AHI1: variants seen among roughly 807,000 people sequenced by gnomAD.
The protein encoded by AHI1 is Abelson helper integration site 1.
Under a neutral mutation model 149.3 loss-of-function variants are expected in AHI1, and 123 were observed. That is an observed-to-expected ratio of 0.82 (90% CI 0.71 to 0.96). The LOEUF is 0.96. AHI1 is among the 40% of genes least tolerant of loss of function. The pLI, the probability that AHI1 is intolerant of heterozygous loss-of-function variation, is 0.00. For synonymous variants in AHI1, 475 were observed against 459.8 expected (o/e 1.03, Z -0.42); for missense variants, 1,439 against 1,422.7 (o/e 1.01, Z -0.18).
chr6:135,492,404 C>T (rs1435343529), intron 3 of AHI1, 113 bp from the exon 4 acceptor site: 19 of 1,332,172 alleles, frequency 1.4e-5, no homozygotes, highest in Non-Finnish European at 1.8e-5. Flanking sequence ...TAAGTTTATA[C>T]CAATAAAGCT....
chr6:135,336,134 A>T (rs914401643), intron 24 of AHI1, among the ~76,000 whole-genome samples: 6 of 151,690 alleles, frequency 4.0e-5, no homozygotes, highest in African/African-American at 1.5e-4. Context: ...AAAAAAAAAA[A>T]AATTCCATAT....
At chr6:135,450,711 G>A (rs762450151) in intron 11 of AHI1, among the ~76,000 whole-genome samples, 5 of 152,074 alleles carry the variant, frequency 3.3e-5, no homozygotes, top group Admixed American at 6.6e-5. Context: ...ACATTAATAC[G>A]TTGCTTAGCC....
At chr6:135,440,983 A>C (rs1161855738) in intron 14 of AHI1, among the ~76,000 whole-genome samples, 1 of 152,022 alleles carries the variant, frequency 6.6e-6, no homozygotes, top group Non-Finnish European at 1.5e-5. Context: ...ATCCACATAG[A>C]AACTGAGGAA....
In AHI1 at chr6:135,365,518, C is replaced by A. The variant is rs140689345; in HGVS notation, c.3110-7331G>T. 4.1e-3 allele frequency among the ~76,000 whole-genome samples: 625 copies of A among 152,198 alleles called. 1 individual carries two copies. Among genetic ancestry groups the A allele is most frequent in the African/African-American group, 0.014 (602 of 41,524 alleles). On this transcript the variant is annotated intron_variant, in intron 23 of 28. Transcript: ENST00000265602. ...GTTTTTTACTTTTCCTTGTAGAGAT[C>A]TTTCACCTCCTTGGTTAGGTACATT...
At chr6:135,368,625 CAGG>C (rs1774552356) in intron 23 of AHI1, among the ~76,000 whole-genome samples, 1 of 152,070 alleles carries the variant, frequency 6.6e-6, no homozygotes, top group Non-Finnish European at 1.5e-5. Context: ...GTTACTTTCC[CAGG>C]AGGATTATGG....
At chr6:135,370,393 A>G (rs1774865640) in intron 23 of AHI1, among the ~76,000 whole-genome samples, 1 of 152,214 alleles carries the variant, frequency 6.6e-6, no homozygotes, top group Admixed American at 6.5e-5. Flanking sequence ...TTAAGCTTCA[A>G]AAGTCCTCTT....
intron 23 of AHI1, among the ~76,000 whole-genome samples, chr6:135,380,627 C>T (rs1372198275): frequency 6.6e-6 from 1 of 151,864 alleles, no homozygotes; most frequent in Non-Finnish European, 1.5e-5. Flanking sequence ...ATAAAAGTGC[C>T]TGGGACACTG....
In AHI1 at chr6:135,369,544, C is replaced by T. The variant is rs188262537; in HGVS notation, c.3110-11357G>A. On this transcript the variant is annotated intron_variant, in intron 23 of 28. Transcript: ENST00000265602. The stretch of plus-strand genomic sequence containing the variant: ...GTTGTCTTTAATTAGAGGAAAACTA[C>T]TAGCCCATTATTTCTTCAAATATTT... Among the ~76,000 whole-genome samples the T allele has an allele frequency of 3.1e-3, 472 of 152,208 alleles. 3 individuals are homozygous for T. Among genetic ancestry groups the T allele is most frequent in the African/African-American group, 0.01 (430 of 41,478 alleles).
intron 18 of AHI1, among the ~76,000 whole-genome samples, chr6:135,429,158 T>C (rs1238439528): frequency 1.3e-5 from 2 of 151,742 alleles, no homozygotes; most frequent in Non-Finnish European, 3.0e-5. Flanking sequence ...TATATTCTTC[T>C]GATGAATTTT....
intron 8 of AHI1, among the ~76,000 whole-genome samples, chr6:135,461,735 T>C (rs997884376): frequency 6.6e-6 from 1 of 151,822 alleles, no homozygotes; most frequent in Non-Finnish European, 1.5e-5. Context: ...ATCTAAATAA[T>C]ACAAAAACAG....
At position 135,466,149 on chromosome 6, in the gene AHI1, T is replaced by A; in HGVS notation, c.414A>T (p.Thr138=). Reference sequence around the variant, plus strand: ...CAGGAGTTTCCGGTTTCAGGTCTTGTGTAGTCAACTGGGGCACCGTCTTTA... The same window carrying A: ...CAGGAGTTTCCGGTTTCAGGTCTTGAGTAGTCAACTGGGGCACCGTCTTTA... ...KVIKTVPQLT[T]QDLKPETPEN... is the part of the protein sequence containing the mutation. Residue 138 remains threonine, a synonymous_variant, in exon 7 of 29, where the codon ACA becomes ACT. Transcript: ENST00000265602. 1 of 1,613,926 alleles carries A rather than the reference T, an allele frequency of 6.2e-7. No individual in the cohort carries two copies. Among genetic ancestry groups the A allele is most frequent in the Non-Finnish European group, 8.5e-7 (1 of 1,179,852 alleles).
At chr6:135,398,510 G>A (rs750648961) in intron 22 of AHI1, among the ~76,000 whole-genome samples, 1 of 152,044 alleles carries the variant, frequency 6.6e-6, no homozygotes, top group Non-Finnish European at 1.5e-5. Context: ...ATATTTAATC[G>A]TGATTTTTGA....
In AHI1 at chr6:135,320,370, C is replaced by T. The variant is rs370643609; in HGVS notation, c.3329-1754G>A. ...TTGAGACAAAGAATTTATTTCTGTA[C>T]GTAGCCATCAACTCATCACTGCAAT... On this transcript the variant is annotated intron_variant, in intron 25 of 28. Transcript: ENST00000265602. Among the ~76,000 whole-genome samples the T allele has an allele frequency of 1.1e-4, 17 of 152,252 alleles. 1 individual carries two copies. Among genetic ancestry groups the T allele is most frequent in the East Asian group, 1.9e-4 (1 of 5,174 alleles).
At chr6:135,447,258 A>G (rs1014220262) in intron 12 of AHI1, 98 bp from the exon 13 acceptor site, 80 of 825,016 alleles carry the variant, frequency 9.7e-5, no homozygotes, top group South Asian at 2.3e-4. Flanking sequence ...TAATATGAAA[A>G]TATTTTCAAA....
intron 24 of AHI1, among the ~76,000 whole-genome samples, chr6:135,353,378 T>A (rs1031742091): frequency 2.6e-5 from 4 of 152,028 alleles, no homozygotes; most frequent in Non-Finnish European, 5.9e-5. Flanking sequence ...TAGGGGCCCA[T>A]TCACCCCAGT....
At chr6:135,302,439 T>C in intron 26 of AHI1, 1 of 1,000,594 alleles carries the variant, frequency 1.0e-6, no homozygotes, top group Non-Finnish European at 1.2e-6. Context: ...TTGCCAATTC[T>C]GCTAAGCCTG....
chr6:135,308,797 C>T (rs1461896682), intron 26 of AHI1, among the ~76,000 whole-genome samples: 1 of 152,216 alleles, frequency 6.6e-6, no homozygotes, highest in East Asian at 1.9e-4. Context: ...GGAAATGACA[C>T]ATTCCCTAAA....
At chr6:135,323,043 C>G (rs1787111253) in intron 25 of AHI1, 119 bp downstream of exon 25, 2 of 1,060,822 alleles carry the variant, frequency 1.9e-6, no homozygotes, top group African/African-American at 3.2e-5. Flanking sequence ...AAAAACAATA[C>G]CCATTGGTAA....
At chr6:135,366,681 T>C (rs1476057585) in intron 23 of AHI1, among the ~76,000 whole-genome samples, 2 of 152,238 alleles carry the variant, frequency 1.3e-5, no homozygotes, top group African/African-American at 4.8e-5. Flanking sequence ...TCTCTTCTTT[T>C]CTTGGTTAAT....
Sources: allele counts gnomAD v4.1 joint callset (sites outside exome capture counted in the v4.1 genomes callset), GRCh38; gene constraint gnomAD v4.1.1; transcripts MANE v1.5; gene names NCBI Gene and HGNC (gene_info 2026-07-23, HGNC 2026-07-21).